LINGO2: variants seen among roughly 807,000 people sequenced by gnomAD.
LINGO2 encodes leucine rich repeat and Ig domain containing 2, also known as leucine-rich repeat and immunoglobulin-like domain-containing nogo receptor-interacting protein 2.
A neutral mutation model predicts 30.6 loss-of-function variants in LINGO2; 14 were observed. The observed-to-expected ratio is 0.46, with a 90% CI of 0.30 to 0.72. The LOEUF (loss-of-function observed/expected upper bound fraction) is 0.72. Among genes scored for constraint, LINGO2 ranks in the 30% least tolerant of loss-of-function variants. The pLI, the probability that LINGO2 is intolerant of heterozygous loss-of-function variation, is 0.07. For missense variants in LINGO2, 729 were observed against 751.7 expected (o/e 0.97, Z 0.35); for synonymous variants, 317 against 288.5 (o/e 1.10, Z -1.00).
At chr9:28,361,081 A>C (rs945370162) in intron 3 of LINGO2, among the ~76,000 whole-genome samples, 2 of 152,204 alleles carry the variant, frequency 1.3e-5, no homozygotes, top group Non-Finnish European at 2.9e-5. Flanking sequence ...TGGGATGTGA[A>C]TTATCTCTTT....
chr9:28,942,361 G>C, the LINGO2 span, among the ~76,000 whole-genome samples: 1 of 152,170 alleles, frequency 6.6e-6, no homozygotes. Flanking sequence ...TCAGAAGTGA[G>C]GAGAGTAAGT....
the LINGO2 span, among the ~76,000 whole-genome samples, chr9:29,152,714 G>A: frequency 2.6e-5 from 4 of 152,132 alleles, no homozygotes; most frequent in Admixed American, 2.6e-4. Flanking sequence ...TGGGTGATGG[G>A]ATAATTGTAC....
intron 2 of LINGO2, among the ~76,000 whole-genome samples, chr9:28,471,384 T>G (rs1288980094): frequency 6.6e-6 from 1 of 152,158 alleles, no homozygotes; most frequent in East Asian, 1.9e-4. Flanking sequence ...TCTTGGTAAA[T>G]TATCCAGTCA....
chr9:28,525,346 AAC>A (rs763404066), intron 1 of LINGO2, among the ~76,000 whole-genome samples: 7 of 152,216 alleles, frequency 4.6e-5, no homozygotes, highest in Non-Finnish European at 1.0e-4. Flanking sequence ...AATAAGTGAA[AAC>A]ACACACCCAT....
chr9:28,617,942 G>T (rs1320574437), intron 1 of LINGO2, among the ~76,000 whole-genome samples: 1 of 152,078 alleles, frequency 6.6e-6, no homozygotes, highest in African/African-American at 2.4e-5. Context: ...CATTTATGAA[G>T]ATTTCTCTAG....
the LINGO2 span, among the ~76,000 whole-genome samples, chr9:29,069,666 C>A: frequency 6.6e-6 from 1 of 151,952 alleles, no homozygotes; most frequent in Admixed American, 6.6e-5. Context: ...CTCAATATAT[C>A]CCTTTTAATA....
intron 1 of LINGO2, among the ~76,000 whole-genome samples, chr9:28,644,591 A>G (rs1165535929): frequency 2.0e-5 from 3 of 151,866 alleles, no homozygotes; most frequent in Non-Finnish European, 2.9e-5. Flanking sequence ...CAGAAAAAAA[A>G]AAAAGAAAGA....
At chr9:28,186,757 C>T (rs77351836) in intron 4 of LINGO2, among the ~76,000 whole-genome samples, 9,064 of 152,008 alleles carry the variant, frequency 0.06, 391 homozygotes, top group Non-Finnish European at 0.094. Context: ...AGAACAGATG[C>T]GAAGGCCCTG....
chr9:28,884,368 C>G, the LINGO2 span, among the ~76,000 whole-genome samples: 3 of 152,102 alleles, frequency 2.0e-5, no homozygotes, highest in Non-Finnish European at 4.4e-5. Flanking sequence ...GATCAGCAAA[C>G]AGTTCTTCTG....
chr9:28,492,835 C>A (rs1826450281), intron 1 of LINGO2, among the ~76,000 whole-genome samples: 1 of 151,484 alleles, frequency 6.6e-6, no homozygotes, highest in Non-Finnish European at 1.5e-5. Context: ...AAAAGAAAAA[C>A]AACAACAACA....
At chr9:28,557,250 G>A (rs1454167214) in intron 1 of LINGO2, among the ~76,000 whole-genome samples, 1 of 151,824 alleles carries the variant, frequency 6.6e-6, no homozygotes, top group African/African-American at 2.4e-5. Context: ...CTACTCATCT[G>A]ACAAAGGGCT....
At chr9:28,541,238 T>G (rs909694220) in intron 1 of LINGO2, among the ~76,000 whole-genome samples, 6 of 152,132 alleles carry the variant, frequency 3.9e-5, no homozygotes, top group African/African-American at 1.4e-4. Context: ...GGTTCAGTGG[T>G]TAATTTACCT....
At chr9:28,248,694 A>G (rs548907659) in intron 4 of LINGO2, among the ~76,000 whole-genome samples, 1 of 152,320 alleles carries the variant, frequency 6.6e-6, no homozygotes, top group Non-Finnish European at 1.5e-5. Flanking sequence ...ATTATTATGC[A>G]TTGCATGCCT....
At chr9:28,267,212 G>A (rs775838707) in intron 4 of LINGO2, among the ~76,000 whole-genome samples, 1 of 151,852 alleles carries the variant, frequency 6.6e-6, no homozygotes, top group Non-Finnish European at 1.5e-5. Context: ...CTCTCATTTT[G>A]TGTTGTTGTT....
chr9:28,087,439 G>A (rs922886015), intron 4 of LINGO2, among the ~76,000 whole-genome samples: 7 of 152,092 alleles, frequency 4.6e-5, no homozygotes, highest in African/African-American at 7.2e-5. Context: ...GGGTAAAAAC[G>A]AATACCTCTA....
At chr9:28,437,657 C>T (rs1824009381) in intron 2 of LINGO2, among the ~76,000 whole-genome samples, 2 of 151,996 alleles carry the variant, frequency 1.3e-5, no homozygotes, top group Admixed American at 6.6e-5. Flanking sequence ...ATCTCCTCTC[C>T]CCCTTTCTCA....
At chr9:28,171,333 T>G (rs1056702659) in intron 4 of LINGO2, among the ~76,000 whole-genome samples, 10 of 152,142 alleles carry the variant, frequency 6.6e-5, no homozygotes, top group African/African-American at 2.4e-4. Flanking sequence ...TACAATCTAT[T>G]CATTACTAAA....
At chr9:28,080,624 A>G (rs1044942941) in intron 4 of LINGO2, 1 of 152,132 alleles carries the variant, frequency 6.6e-6, no homozygotes, top group African/African-American at 2.4e-5. Flanking sequence ...TTGTTTCTTT[A>G]TTGACTATCT....
chr9:28,547,203 T>A (rs1366054551), intron 1 of LINGO2, among the ~76,000 whole-genome samples: 1 of 152,160 alleles, frequency 6.6e-6, no homozygotes, highest in Admixed American at 6.5e-5. Flanking sequence ...ATTCTCCCTG[T>A]ATTACTACTA....
Sources: allele counts gnomAD v4.1 joint callset (sites outside exome capture counted in the v4.1 genomes callset), GRCh38; gene constraint gnomAD v4.1.1; transcripts MANE v1.5; gene names NCBI Gene and HGNC (gene_info 2026-07-23, HGNC 2026-07-21).